ST3GAL3: variants seen among roughly 807,000 people sequenced by gnomAD.
The protein encoded by ST3GAL3 is ST3 beta-galactoside alpha-2,3-sialyltransferase 3.
In ST3GAL3, 21 loss-of-function variants were observed where a neutral mutation model predicts 50.1. The observed-to-expected ratio is 0.42, with a 90% CI of 0.30 to 0.60. The LOEUF is 0.60. Ranked by LOEUF, ST3GAL3 falls within the 20% of genes least tolerant of loss-of-function variation. ST3GAL3 has a pLI of 0.19. For synonymous variants in ST3GAL3, 183 were observed against 190.0 expected, an observed-to-expected ratio of 0.96 and a Z score of 0.30; for missense variants, 353 against 489.4, an observed-to-expected ratio of 0.72 and a Z score of 2.63.
At chr1:43,807,533 C>T (rs2060045865) in intron 3 of ST3GAL3, among the ~76,000 whole-genome samples, 1 of 152,116 alleles carries the variant, frequency 6.6e-6, no homozygotes, top group South Asian at 2.1e-4. Context: ...ACAGTAGAAT[C>T]CAACCAAATG....
intron 2 of ST3GAL3, among the ~76,000 whole-genome samples, chr1:43,786,067 G>C (rs983077790): frequency 6.6e-6 from 1 of 151,308 alleles, no homozygotes; most frequent in Non-Finnish European, 1.5e-5. Flanking sequence ...CCATCGACCC[G>C]GTTCAGGCCA....
intron 3 of ST3GAL3, among the ~76,000 whole-genome samples, chr1:43,793,414 A>T (rs188475443): frequency 1.3e-5 from 2 of 152,318 alleles, no homozygotes; most frequent in Admixed American, 1.3e-4. Context: ...TTCAAAATAC[A>T]CAATAAATTT....
chr1:43,816,532 G>A (rs972444), intron 4 of ST3GAL3, among the ~76,000 whole-genome samples: 56,908 of 151,974 alleles, frequency 0.37, 11,309 homozygotes, highest in East Asian at 0.59. Flanking sequence ...AGTATAAGCC[G>A]TAAGCAAGTG....
intron 4 of ST3GAL3, among the ~76,000 whole-genome samples, chr1:43,832,445 T>G (rs2063669253): frequency 6.6e-6 from 1 of 152,210 alleles, no homozygotes; most frequent in African/African-American, 2.4e-5. Flanking sequence ...TGTACACGTA[T>G]CATGATGGCA....
Position 43,770,630 on chromosome 1 carries a change from A to G in ST3GAL3, c.119-21472A>G, listed in dbSNP as rs1694789051. The stretch of plus-strand genomic sequence containing the variant: ...GATTAGTCTTGAACTCCTGGGCTCA[A>G]GCGTTCCTTCAGCCTCAGCCTCCCC... On this transcript the variant is annotated intron_variant, in intron 2 of 11. Transcript: ENST00000347631. 2.6e-5 allele frequency among the ~76,000 whole-genome samples: 4 copies of G among 152,224 alleles called. No individual in the cohort carries two copies. In the South Asian group the frequency reaches 8.3e-4, roughly 32 times the overall value.
At position 43,899,219 on chromosome 1, in the gene ST3GAL3, C is replaced by G. The variant is rs976221325; in HGVS notation, c.513C>G (p.Asn171Lys). The change falls in exon 8 of 12, where the codon AAC becomes AAG. Residue 171 changes from asparagine to lysine, a missense_variant. By Grantham distance (94) the Asn-to-Lys change is moderately conservative. Coordinates refer to ENST00000347631, the MANE Select transcript of ST3GAL3 (RefSeq NM_006279.5). The surrounding 1 kb of genome is among the most constrained non-coding windows in gnomAD (Gnocchi z 5.4). Reference sequence around the variant, plus strand: ...TGGGCAATGGAGGCGTTCTTGCCAACAAGTCTCTGGGGTCACGAATTGACG... The same window carrying G: ...TGGGCAATGGAGGCGTTCTTGCCAAGAAGTCTCTGGGGTCACGAATTGACG... ...IIVGNGGVLA[N>K]KSLGSRIDDY... is the part of the protein sequence containing the mutation. 6.2e-7 allele frequency: 1 copy of G among 1,614,226 alleles called. No individual in the cohort carries two copies. Among genetic ancestry groups the G allele is most frequent in the Non-Finnish European group, 8.5e-7 (1 of 1,180,038 alleles).
chr1:43,813,901 ACG>A (rs1179133225), intron 3 of ST3GAL3, among the ~76,000 whole-genome samples: 4,659 of 63,170 alleles, frequency 0.074, 91 homozygotes, highest in Non-Finnish European at 0.11. Context: ...ACACGCACAC[ACG>A]CACACACACA....
rs920133560 is a variant in ST3GAL3 at position 43,834,939 on chromosome 1, G to A, written c.210-3280G>A. 3.3e-5 allele frequency among the ~76,000 whole-genome samples: 5 copies of A among 152,152 alleles called. No individual in the cohort carries two copies. The South Asian group carries it at 1.0e-3, about 32-fold the overall frequency. On this transcript the variant is annotated intron_variant, in intron 4 of 11. Coordinates refer to ENST00000347631, the MANE Select transcript of ST3GAL3 (RefSeq NM_006279.5). ...TTTTTCCATTTATGACCCATTGCTTGGCCTGATTCCTTAAACTCAGTCCTT... is the reference window on the plus strand; with the variant it reads ...TTTTTCCATTTATGACCCATTGCTTAGCCTGATTCCTTAAACTCAGTCCTT...
intron 2 of ST3GAL3, chr1:43,772,728 C>T (rs1695752345): frequency 6.6e-6 from 1 of 151,618 alleles, no homozygotes; most frequent in Non-Finnish European, 1.5e-5. Flanking sequence ...AATACTTTTT[C>T]TTGGCAGATA....
intron 2 of ST3GAL3, among the ~76,000 whole-genome samples, chr1:43,773,427 G>A (rs995788637): frequency 6.6e-6 from 1 of 152,034 alleles, no homozygotes; most frequent in Non-Finnish European, 1.5e-5. Context: ...TTTCCTCTTA[G>A]CATTTTGCTT....
At chr1:43,815,768 G>A (rs925391682) in intron 4 of ST3GAL3, among the ~76,000 whole-genome samples, 5 of 152,168 alleles carry the variant, frequency 3.3e-5, no homozygotes, top group African/African-American at 4.8e-5. Flanking sequence ...GGACTGTCAA[G>A]TATTGAGTAT....
chr1:43,813,837 T>C (rs753334500), intron 3 of ST3GAL3, among the ~76,000 whole-genome samples: 5 of 151,012 alleles, frequency 3.3e-5, no homozygotes, highest in Non-Finnish European at 5.9e-5. Context: ...ACTGCATTCA[T>C]AGGCCACTTT....
At chr1:43,790,030 T>C (rs1351475128) in intron 2 of ST3GAL3, among the ~76,000 whole-genome samples, 1 of 152,186 alleles carries the variant, frequency 6.6e-6, no homozygotes, top group Non-Finnish European at 1.5e-5. Flanking sequence ...TCAAAGCATA[T>C]GGATCTATCT....
At chr1:43,734,290 T>G (rs1174242394) in intron 1 of ST3GAL3, among the ~76,000 whole-genome samples, 1 of 141,072 alleles carries the variant, frequency 7.1e-6, no homozygotes, top group Non-Finnish European at 1.5e-5. Context: ...CTTTCTTTCT[T>G]CTTCTTCTTT....
At chr1:43,808,227 C>T (rs1032206288) in intron 3 of ST3GAL3, among the ~76,000 whole-genome samples, 4 of 151,634 alleles carry the variant, frequency 2.6e-5, no homozygotes, top group African/African-American at 9.7e-5. Context: ...TCACTTGAAC[C>T]CGGGAGGTGG....
At chr1:43,724,870 G>T (rs1672180224) in intron 1 of ST3GAL3, among the ~76,000 whole-genome samples, 1 of 152,188 alleles carries the variant, frequency 6.6e-6, no homozygotes, top group Non-Finnish European at 1.5e-5. Flanking sequence ...AGTGGATGTG[G>T]CACTTACGAG....
At chr1:43,908,905 T>TA (rs2154282711) in intron 9 of ST3GAL3, among the ~76,000 whole-genome samples, 1 of 152,198 alleles carries the variant, frequency 6.6e-6, no homozygotes, top group African/African-American at 2.4e-5. Flanking sequence ...GTGCTGGAAT[T>TA]ACAGGTGTGA....
Position 43,768,279 on chromosome 1 carries a change from T to A in ST3GAL3, c.119-23823T>A, listed in dbSNP as rs541964724. Among the ~76,000 whole-genome samples, 57 of 151,818 alleles carry A rather than the reference T, an allele frequency of 3.8e-4. 1 individual carries two copies. Among genetic ancestry groups the A allele is most frequent in the African/African-American group, 1.2e-3 (48 of 41,422 alleles). On this transcript the variant is annotated intron_variant, in intron 2 of 11. Coordinates refer to ENST00000347631, the MANE Select transcript of ST3GAL3 (RefSeq NM_006279.5). ...GCAAGAGCCTGTCTCTACAAAAAAA[T>A]TTTTTTTAAAATTAGCTGGGTGTGG...
Position 43,807,591 on chromosome 1 carries a change from G to A in ST3GAL3, c.167-7300G>A, listed in dbSNP as rs2060053631. On this transcript the variant is annotated intron_variant, in intron 3 of 11. Coordinates refer to ENST00000347631, the MANE Select transcript of ST3GAL3 (RefSeq NM_006279.5). ...GCCATATTTATCTTACAGAAAGATA[G>A]CTCTGATTACAGCACAGAGCATCTA... Among the ~76,000 whole-genome samples the A allele has an allele frequency of 2.6e-5, 4 of 152,136 alleles. No homozygotes were observed. In the South Asian group the frequency reaches 8.3e-4, roughly 32 times the overall value.
Sources: allele counts gnomAD v4.1 joint callset (sites outside exome capture counted in the v4.1 genomes callset), GRCh38; gene constraint gnomAD v4.1.1; non-coding constraint Gnocchi (gnomAD v3.1); transcripts MANE v1.5; gene names NCBI Gene and HGNC (gene_info 2026-07-23, HGNC 2026-07-21).